Variants in SLC17A4 observed in about 807,000 individuals in gnomAD.
The protein encoded by SLC17A4 is solute carrier family 17 member 4.
A neutral mutation model predicts 52.5 loss-of-function variants in SLC17A4; 33 were observed. The ratio of observed to expected loss-of-function variants is 0.63; its 90% confidence interval spans 0.48 to 0.84. The LOEUF (loss-of-function observed/expected upper bound fraction) is 0.84. Ranked by LOEUF, SLC17A4 falls within the 40% of genes least tolerant of loss-of-function variation. The pLI is 0.00. For synonymous variants in SLC17A4, 225 were observed against 216.2 expected (o/e 1.04, Z -0.36); for missense variants, 585 against 597.1 (o/e 0.98, Z 0.21).
At chr6:25,776,572 C>T (rs1762939653) in intron 8 of SLC17A4, 23 bp from the exon 9 acceptor site, 3 of 1,580,282 alleles carry the variant, frequency 1.9e-6, no homozygotes, top group African/African-American at 2.7e-5. Context: ...GCACATGCAC[C>T]TGACCTAGTC....
rs1248639535 is a variant in SLC17A4 at position 25,780,293 on chromosome 6, T to C, written c.*1105T>C. The C allele has an allele frequency of 6.6e-6, 1 of 152,196 alleles. No homozygotes were observed. The highest frequency in any genetic ancestry group is 1.5e-5 in the Non-Finnish European group (1 of 68,038). The allele number at this position is 152,196 out of a possible 1,614,324, so 9.4% of individuals were successfully genotyped here. ...AGTGTCTCGGGAGGGCAGATAACTT[T>C]AATCAAAGTATCACACAAGTGAATA... On this transcript the variant is annotated 3_prime_UTR_variant, in exon 12 of 12. Transcript: ENST00000377905.
chr6:25,778,857 G>A (rs964259822), intron 11 of SLC17A4, among the ~76,000 whole-genome samples, 197 bp from the exon 12 acceptor site: 11 of 152,170 alleles, frequency 7.2e-5, no homozygotes, highest in African/African-American at 2.7e-4. Flanking sequence ...GAGGAGGAGC[G>A]TTCCAGCCAA....
chr6:25,778,521 G>A (rs1375461955), intron 11 of SLC17A4, among the ~76,000 whole-genome samples: 1 of 152,036 alleles, frequency 6.6e-6, no homozygotes, highest in Admixed American at 6.5e-5. Context: ...GTCATTCAAT[G>A]ACTTATTCAT....
chr6:25,760,758 A>T lies in SLC17A4; in HGVS notation c.-36-1169A>T, dbSNP rs545642422. On this transcript the variant is annotated intron_variant, in intron 1 of 11. Coordinates refer to ENST00000377905, the MANE Select transcript of SLC17A4 (RefSeq NM_005495.3). ...TAGCTATGTCTAGTCACTTAGTTTC[A>T]AATTTTAATGCCTAATTTTTTTTGT... Among the ~76,000 whole-genome samples, 56 of 152,244 alleles carry T rather than the reference A, an allele frequency of 3.7e-4. 1 individual carries two copies. In the South Asian group the frequency reaches 7.1e-3, roughly 19 times the overall value.
At chr6:25,777,788 G>A (rs911092117) in intron 10 of SLC17A4, 138 bp from the exon 11 acceptor site, 11 of 661,210 alleles carry the variant, frequency 1.7e-5, no homozygotes, top group African/African-American at 5.3e-5. Context: ...CATCTCCAGA[G>A]GTAAGCACAG....
chr6:25,766,081 C>T (rs530168837), intron 2 of SLC17A4, among the ~76,000 whole-genome samples: 3 of 150,316 alleles, frequency 2.0e-5, no homozygotes, highest in African/African-American at 7.3e-5. Flanking sequence ...ATTATAAAAA[C>T]TTTAATTACA....
intron 2 of SLC17A4, among the ~76,000 whole-genome samples, chr6:25,768,707 A>G (rs1309509725): frequency 6.6e-6 from 1 of 151,958 alleles, no homozygotes; most frequent in Non-Finnish European, 1.5e-5. Flanking sequence ...TCCTATTCTA[A>G]TCTTCTCATC....
intron 5 of SLC17A4, 149 bp from the exon 6 acceptor site, chr6:25,770,777 C>A (rs1378052107): frequency 1.5e-6 from 1 of 686,262 alleles, no homozygotes; most frequent in Non-Finnish European, 2.6e-6. Context: ...ATAACTTCTC[C>A]AAGATCACAT....
chr6:25,773,518 T>G lies in SLC17A4; in HGVS notation c.831T>G (p.Cys277Trp). The G allele has an allele frequency of 1.9e-6, 3 of 1,613,854 alleles. No individual in the cohort carries two copies. The highest frequency in any genetic ancestry group is 2.5e-6 in the Non-Finnish European group (3 of 1,179,856). The change falls in exon 8 of 12, where the codon TGT (cysteine) becomes TGG (tryptophan). Residue 277 changes from cysteine (C) to tryptophan (W), a missense_variant. Physicochemically the swap from Cys to Trp is radical, Grantham distance 215 (BLOSUM62 -2). Transcript: ENST00000377905. ...YIVCSLAQQD[C>W]SPGWSLPIRA... Reference sequence around the variant, plus strand: ...TGATGTGTGCTTTCTTCCAGGACTGTTCACCAGGCTGGTCTCTTCCCATTA... The same window carrying G: ...TGATGTGTGCTTTCTTCCAGGACTGGTCACCAGGCTGGTCTCTTCCCATTA...
At chr6:25,770,723 T>C (rs1762413917) in intron 5 of SLC17A4, among the ~76,000 whole-genome samples, 3 of 152,220 alleles carry the variant, frequency 2.0e-5, no homozygotes, top group Non-Finnish European at 4.4e-5. Context: ...TATATATAAT[T>C]ACTTCCATTT....
intron 1 of SLC17A4, among the ~76,000 whole-genome samples, chr6:25,755,354 C>T (rs541315392): frequency 7.9e-4 from 120 of 152,148 alleles, no homozygotes; most frequent in South Asian, 2.3e-3. Flanking sequence ...GAGTTTAGGG[C>T]AGAGGACTTT....
rs188115708 is a variant in SLC17A4, at chr6:25,760,875, G to A, written c.-36-1052G>A. ...TATTTTATTTCTTCAATTATTTAAAGCATACTTACATAATGTCTTTGTCAG... is the reference window on the plus strand; with the variant it reads ...TATTTTATTTCTTCAATTATTTAAAACATACTTACATAATGTCTTTGTCAG... On this transcript the variant is annotated intron_variant, in intron 1 of 11. Transcript: ENST00000377905. Among the ~76,000 whole-genome samples, 35 of 152,150 alleles carry A rather than the reference G, an allele frequency of 2.3e-4. No individual in the cohort carries two copies. The East Asian group carries it at 6.4e-3, about 28-fold the overall frequency.
intron 6 of SLC17A4, 86 bp from the exon 7 acceptor site, chr6:25,773,189 C>G (rs1762620884): frequency 6.7e-6 from 7 of 1,044,876 alleles, no homozygotes; most frequent in Non-Finnish European, 1.0e-5. Flanking sequence ...AGGCCAGTCA[C>G]TCTGTCAACC....
chr6:25,760,024 T>C (rs1761396995), intron 1 of SLC17A4, among the ~76,000 whole-genome samples: 1 of 152,208 alleles, frequency 6.6e-6, no homozygotes, highest in South Asian at 2.1e-4. Context: ...GTACACACCG[T>C]GAAGCAGCAA....
chr6:25,778,223 G>T (rs1018105590), intron 11 of SLC17A4, among the ~76,000 whole-genome samples: 4 of 151,868 alleles, frequency 2.6e-5, no homozygotes, highest in African/African-American at 9.7e-5. Context: ...GAATAAAGAA[G>T]TATGTGGCAT....
chr6:25,766,243 G>A (rs1762008356), intron 2 of SLC17A4, among the ~76,000 whole-genome samples: 1 of 151,330 alleles, frequency 6.6e-6, no homozygotes, highest in Admixed American at 6.6e-5. Flanking sequence ...AAACAACTAA[G>A]AAATGAAGAA....
Position 25,762,005 on chromosome 6 carries a change from T to G in SLC17A4, c.43T>G (p.Ser15Ala), listed in dbSNP as rs1561797191. The change falls in exon 2 of 12, where the codon TCC becomes GCC. Residue 15 changes from serine to alanine, a missense_variant. Ser to Ala is a moderately conservative substitution (Grantham distance 99). Transcript: ENST00000377905. Reference sequence around the variant, plus strand: ...TGTCAAGGCTACAGTGGGGGACATTTCCAGTGATGGCAATTTAAACGTGGC... The same window carrying G: ...TGTCAAGGCTACAGTGGGGGACATTGCCAGTGATGGCAATTTAAACGTGGC... Reference protein sequence around the residue: ...PDVKATVGDISSDGNLNVAQE... With the variant: ...PDVKATVGDIASDGNLNVAQE... 6.2e-7 allele frequency: 1 copy of G among 1,613,882 alleles called. No individual in the cohort carries two copies.
At position 25,773,353 on chromosome 6, in the gene SLC17A4, C is replaced by T; in HGVS notation, c.785C>T (p.Ala262Val). The T allele has an allele frequency of 1.2e-6, 2 of 1,613,924 alleles. No individual in the cohort carries two copies. The highest frequency in any genetic ancestry group is 1.7e-6 in the Non-Finnish European group (2 of 1,179,870). Residue 262 changes from alanine to valine, a missense_variant, in exon 7 of 12, where the codon GCT (alanine) becomes GTT (valine). By Grantham distance (64) the Ala-to-Val change is moderately conservative. Coordinates refer to ENST00000377905, the MANE Select transcript of SLC17A4 (RefSeq NM_005495.3). ...DDPVNHPFIS[A>V]GEKRYIVCSL... Reference sequence around the variant, plus strand: ...CCTGTGAATCATCCCTTTATCAGTGCTGGTGAGAAGAGATACATTGTGTGT... The same window carrying T: ...CCTGTGAATCATCCCTTTATCAGTGTTGGTGAGAAGAGATACATTGTGTGT...
intron 11 of SLC17A4, 104 bp from the exon 12 acceptor site, chr6:25,778,950 T>G: frequency 1.4e-6 from 2 of 1,450,264 alleles, no homozygotes; most frequent in Non-Finnish European, 1.9e-6. Flanking sequence ...GAAGCCAGAG[T>G]GGAGGTCGGG....
Sources: allele counts gnomAD v4.1 joint callset (sites outside exome capture counted in the v4.1 genomes callset), GRCh38; gene constraint gnomAD v4.1.1; transcripts MANE v1.5; gene names NCBI Gene and HGNC (gene_info 2026-07-23, HGNC 2026-07-21).